POLR3B: variants seen among roughly 807,000 people sequenced by gnomAD.
The protein encoded by POLR3B is RNA polymerase III subunit B.
POLR3B carries 96 observed loss-of-function variants against 147.4 expected under a neutral mutation model. The ratio of observed to expected loss-of-function variants is 0.65; its 90% CI spans 0.55 to 0.77. The LOEUF (loss-of-function observed/expected upper bound fraction) is 0.77. Ranked by LOEUF, POLR3B falls within the 30% of genes least tolerant of loss-of-function variation. The pLI, the probability that POLR3B is intolerant of heterozygous loss-of-function variation, is 0.00. For missense variants in POLR3B, 1,036 were observed against 1,413.5 expected (o/e 0.73, Z 4.28); for synonymous variants, 461 against 485.9 (o/e 0.95, Z 0.67).
At chr12:106,484,660 A>G (rs2038313025) in intron 23 of POLR3B, among the ~76,000 whole-genome samples, 1 of 152,080 alleles carries the variant, frequency 6.6e-6, no homozygotes, top group Non-Finnish European at 1.5e-5. Context: ...ATATATGAAG[A>G]ATGATATAAA....
chr12:106,461,623 CT>C (rs1173053954), intron 22 of POLR3B, among the ~76,000 whole-genome samples: 10 of 152,156 alleles, frequency 6.6e-5, no homozygotes, highest in Non-Finnish European at 1.5e-4. Flanking sequence ...CTTGTACCCC[CT>C]AGTCTCTGGC....
intron 22 of POLR3B, among the ~76,000 whole-genome samples, chr12:106,463,164 A>C (rs543312549): frequency 7.6e-4 from 115 of 152,306 alleles, no homozygotes; most frequent in Middle Eastern, 3.4e-3. Flanking sequence ...ACTTTGTGTG[A>C]GTCATGTGCC....
chr12:106,428,670 G>A (rs1319249487), intron 13 of POLR3B, among the ~76,000 whole-genome samples: 1 of 151,920 alleles, frequency 6.6e-6, no homozygotes, highest in African/African-American at 2.4e-5. Flanking sequence ...TTACTCTGTG[G>A]GCATAAGTCA....
chr12:106,465,340 C>T (rs1267200382), intron 23 of POLR3B, among the ~76,000 whole-genome samples: 1 of 152,168 alleles, frequency 6.6e-6, no homozygotes, highest in African/African-American at 2.4e-5. Context: ...GAATATCCCC[C>T]TTCTGAATCA....
chr12:106,385,593 A>G (rs1250696201), intron 9 of POLR3B, among the ~76,000 whole-genome samples: 1 of 152,208 alleles, frequency 6.6e-6, no homozygotes, highest in African/African-American at 2.4e-5. Flanking sequence ...CTTTACTGTT[A>G]AAGTTGTAAT....
intron 11 of POLR3B, among the ~76,000 whole-genome samples, chr12:106,409,512 G>A (rs2037195705): frequency 6.6e-6 from 1 of 151,490 alleles, no homozygotes; most frequent in Non-Finnish European, 1.5e-5. Flanking sequence ...ACACATTCCA[G>A]AGTTCTCAGT....
intron 12 of POLR3B, among the ~76,000 whole-genome samples, chr12:106,426,845 C>T (rs1250113692): frequency 2.6e-4 from 21 of 82,274 alleles, no homozygotes; most frequent in Non-Finnish European, 3.3e-4. Context: ...ACCGTCCCCC[C>T]CCCCCCCCCC....
intron 9 of POLR3B, among the ~76,000 whole-genome samples, chr12:106,383,900 C>T (rs2136906151): frequency 6.6e-6 from 1 of 151,858 alleles, no homozygotes; most frequent in African/African-American, 2.4e-5. Flanking sequence ...ATCGCTTGAA[C>T]CCGGGAGGTG....
At chr12:106,413,532 A>C (rs1216833109) in intron 12 of POLR3B, among the ~76,000 whole-genome samples, 1 of 152,192 alleles carries the variant, frequency 6.6e-6, no homozygotes, top group Non-Finnish European at 1.5e-5. Flanking sequence ...TGAATGGCAC[A>C]GAACCATTGT....
Position 106,463,639 on chromosome 12 carries a change from C to T in POLR3B, c.2713+19C>T, listed in dbSNP as rs1555215561. ...CAAAAAGGTAAACTGTATCATTTCT[C>T]AACTTGATTATAAAACAATATATGA... On this transcript the variant is annotated intron_variant, in intron 23 of 27. Coordinates refer to ENST00000228347, the MANE Select transcript of POLR3B (RefSeq NM_018082.6). The T allele has an allele frequency of 6.2e-7, 1 of 1,601,822 alleles. No individual in the cohort carries two copies. The highest frequency in any genetic ancestry group is 1.1e-5 in the South Asian group (1 of 90,756).
intron 23 of POLR3B, among the ~76,000 whole-genome samples, chr12:106,487,176 T>C (rs139338914): frequency 4.0e-4 from 61 of 152,318 alleles, no homozygotes; most frequent in African/African-American, 1.3e-3. Context: ...ATGCTATTTG[T>C]AGTTGTCATG....
chr12:106,466,261 T>C (rs1416851534), intron 23 of POLR3B, among the ~76,000 whole-genome samples: 1 of 152,226 alleles, frequency 6.6e-6, no homozygotes, highest in African/African-American at 2.4e-5. Flanking sequence ...TTTTGAGAAG[T>C]GTCTGTTCAT....
Position 106,380,058 on chromosome 12 carries a change from C to A in POLR3B, c.642C>A (p.Thr214=), listed in dbSNP as rs1565878355. 6.2e-7 allele frequency: 1 copy of A among 1,612,860 alleles called. No homozygotes were observed. The highest frequency in any genetic ancestry group is 2.2e-5 in the East Asian group (1 of 44,822). The change falls in exon 9 of 28, where the codon ACC becomes ACA. Residue 214 remains threonine, a synonymous_variant. Coordinates refer to ENST00000228347, the MANE Select transcript of POLR3B (RefSeq NM_018082.6). Reference sequence around the variant, plus strand: ...CTACCCATGAGAAAAAAAGCAGAACCAATATGGCTGTGAAACAAGGACGAT... The same window carrying A: ...CTACCCATGAGAAAAAAAGCAGAACAAATATGGCTGTGAAACAAGGACGAT... ...TSSTHEKKSR[T]NMAVKQGRFY...
intron 1 of POLR3B, among the ~76,000 whole-genome samples, chr12:106,363,349 A>T (rs918628680): frequency 6.6e-6 from 1 of 152,212 alleles, no homozygotes; most frequent in Admixed American, 6.5e-5. Context: ...TAAACCTGCT[A>T]TTCCTACAAT....
At chr12:106,366,118 C>G (rs1174762122) in intron 2 of POLR3B, among the ~76,000 whole-genome samples, 1 of 151,992 alleles carries the variant, frequency 6.6e-6, no homozygotes, top group East Asian at 1.9e-4. Flanking sequence ...GAAATCAAAT[C>G]AAGTTGTAAG....
At position 106,425,333 on chromosome 12, in the gene POLR3B, A is replaced by G. The variant is rs929276557; in HGVS notation, c.1102-1864A>G. On this transcript the variant is annotated intron_variant, in intron 12 of 27. Transcript: ENST00000228347. ...GCTTCTCCCTCCTCTTCTCTCTGGC[A>G]TTGCACCTTTTCCTGGAATCAGAGG... 2.0e-5 allele frequency among the ~76,000 whole-genome samples: 3 copies of G among 152,042 alleles called. No individual in the cohort carries two copies. In the East Asian group the frequency reaches 5.8e-4, roughly 29 times the overall value.
chr12:106,400,980 C>G (rs7294857), intron 10 of POLR3B, among the ~76,000 whole-genome samples: 4 of 151,916 alleles, frequency 2.6e-5, no homozygotes, highest in Non-Finnish European at 5.9e-5. Context: ...AATATCAGAG[C>G]AGAACTGAAG....
At chr12:106,482,561 A>C (rs766669266) in intron 23 of POLR3B, among the ~76,000 whole-genome samples, 1 of 152,108 alleles carries the variant, frequency 6.6e-6, no homozygotes, top group African/African-American at 2.4e-5. Context: ...GTGAGAACTC[A>C]CTCACTATCA....
chr12:106,490,511 G>A (rs1485702485), intron 23 of POLR3B, among the ~76,000 whole-genome samples: 1 of 152,186 alleles, frequency 6.6e-6, no homozygotes, highest in Non-Finnish European at 1.5e-5. Flanking sequence ...CTGTTAACAT[G>A]TAAGGAAGAG....
Sources: allele counts gnomAD v4.1 joint callset (sites outside exome capture counted in the v4.1 genomes callset), GRCh38; gene constraint gnomAD v4.1.1; transcripts MANE v1.5; gene names NCBI Gene and HGNC (gene_info 2026-07-23, HGNC 2026-07-21).